Variants in ETV6 observed in about 807,000 individuals in gnomAD.
ETV6 encodes transcription factor ETV6.
A neutral mutation model predicts 51.1 loss-of-function variants in ETV6; 16 were observed. The observed-to-expected ratio is 0.31, with a 90% CI of 0.21 to 0.48. The LOEUF is 0.48. Among genes scored for constraint, ETV6 ranks in the 20% least tolerant of loss-of-function variants. The pLI, the probability that ETV6 is intolerant of heterozygous loss-of-function variation, is 0.99. For missense variants in ETV6, 458 were observed against 594.8 expected, an observed-to-expected ratio of 0.77 and a Z score of 2.39; for synonymous variants, 240 against 224.1, an observed-to-expected ratio of 1.07 and a Z score of -0.64.
At chr12:11,761,508 C>T (rs757486432) in intron 2 of ETV6, among the ~76,000 whole-genome samples, 6 of 152,178 alleles carry the variant, frequency 3.9e-5, no homozygotes, top group African/African-American at 9.7e-5. Context: ...AAGAAAGATG[C>T]TGTGATTGAA....
intron 2 of ETV6, among the ~76,000 whole-genome samples, chr12:11,780,216 G>A (rs899439620): frequency 6.6e-6 from 1 of 152,162 alleles, no homozygotes; most frequent in African/African-American, 2.4e-5. Context: ...GATAGATGTA[G>A]CTGTTTTTGT....
At chr12:11,719,432 A>G (rs2120921035) in intron 1 of ETV6, among the ~76,000 whole-genome samples, 1 of 152,362 alleles carries the variant, frequency 6.6e-6, no homozygotes, top group East Asian at 1.9e-4. Context: ...TATAGACATC[A>G]GGAGATTTTC....
At chr12:11,808,748 A>G (rs899116473) in intron 2 of ETV6, among the ~76,000 whole-genome samples, 11 of 152,222 alleles carry the variant, frequency 7.2e-5, no homozygotes, top group African/African-American at 1.7e-4. Flanking sequence ...GCAGGCTATA[A>G]AGTACTGAGA....
chr12:11,733,891 G>A (rs1049495169), intron 1 of ETV6, among the ~76,000 whole-genome samples: 8 of 152,180 alleles, frequency 5.3e-5, no homozygotes, highest in Non-Finnish European at 8.8e-5. Context: ...CTGCTCGGCC[G>A]ACCACTTGAT....
At chr12:11,654,797 G>A (rs1262819620) in intron 1 of ETV6, among the ~76,000 whole-genome samples, 2 of 152,150 alleles carry the variant, frequency 1.3e-5, no homozygotes, top group East Asian at 1.9e-4. Context: ...CTGCTGTTAG[G>A]ACTCCTTTGA....
chr12:11,803,717 A>C lies in ETV6; in HGVS notation c.164-35423A>C, dbSNP rs1271152873. Reference sequence around the variant, plus strand: ...GCCTGTTTAAATTTTTTGCAACATGATTACTCCTGGTTTTACATTTGATTT... The same window carrying C: ...GCCTGTTTAAATTTTTTGCAACATGCTTACTCCTGGTTTTACATTTGATTT... On this transcript the variant is annotated intron_variant, in intron 2 of 7. Coordinates refer to ENST00000396373, the MANE Select transcript of ETV6 (RefSeq NM_001987.5). Among the ~76,000 whole-genome samples, 11 of 152,190 alleles carry C rather than the reference A, an allele frequency of 7.2e-5. No individual in the cohort carries two copies. In the East Asian group the frequency reaches 1.9e-3, roughly 27 times the overall value.
intron 2 of ETV6, among the ~76,000 whole-genome samples, chr12:11,791,770 T>TG (rs1160177365): frequency 4.0e-5 from 6 of 151,438 alleles, no homozygotes; most frequent in South Asian, 2.1e-4. Context: ...TGTTATATGC[T>TG]GTTTTTTTTT....
At chr12:11,851,421 G>A (rs994239321) in intron 3 of ETV6, among the ~76,000 whole-genome samples, 5 of 152,110 alleles carry the variant, frequency 3.3e-5, no homozygotes, top group African/African-American at 9.7e-5. Context: ...GCTTATTTTT[G>A]TATGAGATTA....
intron 3 of ETV6, among the ~76,000 whole-genome samples, chr12:11,852,967 A>C (rs1432906505): frequency 6.6e-6 from 1 of 152,172 alleles, no homozygotes; most frequent in Non-Finnish European, 1.5e-5. Context: ...CGAGTGGATC[A>C]CTTGAGCTCA....
chr12:11,756,248 A>G (rs77495583), intron 2 of ETV6, among the ~76,000 whole-genome samples: 2,293 of 152,272 alleles, frequency 0.015, 64 homozygotes, highest in African/African-American at 0.052. Context: ...GAAAGGCCAG[A>G]CCGTGCCATC....
At chr12:11,693,377 T>A (rs1210597176) in intron 1 of ETV6, among the ~76,000 whole-genome samples, 1 of 152,154 alleles carries the variant, frequency 6.6e-6, no homozygotes, top group Admixed American at 6.5e-5. Flanking sequence ...TGTAGACAGG[T>A]CATGTTCACT....
intron 1 of ETV6, among the ~76,000 whole-genome samples, chr12:11,727,074 T>C (rs1865503421): frequency 6.6e-6 from 1 of 152,242 alleles, no homozygotes; most frequent in South Asian, 2.1e-4. Context: ...GTGGCTTTTG[T>C]GTCAGGGAAG....
At chr12:11,797,781 A>G (rs897982811) in intron 2 of ETV6, among the ~76,000 whole-genome samples, 12 of 152,258 alleles carry the variant, frequency 7.9e-5, no homozygotes, top group African/African-American at 2.9e-4. Flanking sequence ...CACTGCAGCT[A>G]AAACCCAAGT....
At chr12:11,808,074 C>T (rs1273251831) in intron 2 of ETV6, among the ~76,000 whole-genome samples, 1 of 152,164 alleles carries the variant, frequency 6.6e-6, no homozygotes, top group Non-Finnish European at 1.5e-5. Flanking sequence ...AGAATACCTA[C>T]AAGGCATTCC....
intron 1 of ETV6, 58 bp downstream of exon 1, chr12:11,650,218 G>A (rs980781956): frequency 9.2e-5 from 137 of 1,490,254 alleles, no homozygotes; most frequent in Non-Finnish European, 1.1e-4. Flanking sequence ...ACCGGCCAGG[G>A]CAGTCGTGCT....
intron 2 of ETV6, among the ~76,000 whole-genome samples, chr12:11,757,271 G>C (rs566850699): frequency 6.6e-6 from 1 of 151,998 alleles, no homozygotes; most frequent in African/African-American, 2.4e-5. Context: ...TCACCCACTC[G>C]GCTGTTTTGC....
chr12:11,867,040 AG>A (rs772948017), intron 4 of ETV6, among the ~76,000 whole-genome samples: 13 of 152,232 alleles, frequency 8.5e-5, no homozygotes, highest in Non-Finnish European at 1.9e-4. Flanking sequence ...CAACAGAATC[AG>A]GGGGAAAGCT....
intron 1 of ETV6, among the ~76,000 whole-genome samples, chr12:11,721,532 C>G (rs1323321083): frequency 6.6e-6 from 1 of 152,152 alleles, no homozygotes; most frequent in African/African-American, 2.4e-5. Context: ...ACATCGAGCA[C>G]TCATGAACAT....
intron 2 of ETV6, chr12:11,826,343 C>T (rs1946153130): frequency 6.6e-6 from 1 of 152,238 alleles, no homozygotes; most frequent in Non-Finnish European, 1.5e-5. Flanking sequence ...CAGACATCGG[C>T]CTCTTTCCAG....
Sources: gnomAD v4.1 joint callset for allele counts (sites outside exome capture counted in the v4.1 genomes callset) on GRCh38, gnomAD v4.1.1 for gene constraint, MANE v1.5 for transcripts, NCBI Gene and HGNC (gene_info 2026-07-23, HGNC 2026-07-21) for gene names.